FAM114A2: variants seen among roughly 807,000 people sequenced by gnomAD.
The protein encoded by FAM114A2 is family with sequence similarity 114 member A2, also known as protein FAM114A2.
A neutral mutation model predicts 58.4 loss-of-function variants in FAM114A2; 53 were observed. The ratio of observed to expected loss-of-function variants is 0.91; its 90% CI spans 0.73 to 1.14. The LOEUF (loss-of-function observed/expected upper bound fraction) is 1.14. Ranked by LOEUF, FAM114A2 falls within the 50% of genes most tolerant of loss-of-function variation. FAM114A2 has a pLI of 0.00. For missense variants in FAM114A2, 601 were observed against 581.1 expected (o/e 1.03, Z -0.35); for synonymous variants, 228 against 211.4 (o/e 1.08, Z -0.68).
At chr5:153,997,007 A>AAAAG (rs1769610297) in intron 12 of FAM114A2, among the ~76,000 whole-genome samples, 1 of 151,558 alleles carries the variant, frequency 6.6e-6, no homozygotes, top group African/African-American at 2.4e-5. Context: ...AAAAAAAAAA[A>AAAAG]AAAGAAAGAA....
chr5:154,016,612 A>G (rs1369013900), intron 8 of FAM114A2, among the ~76,000 whole-genome samples: 1 of 152,202 alleles, frequency 6.6e-6, no homozygotes, highest in African/African-American at 2.4e-5. Flanking sequence ...ACTGCACTGC[A>G]AGAACTGCTA....
chr5:154,033,744 T>C, intron 4 of FAM114A2, 47 bp downstream of exon 4: 2 of 1,130,770 alleles, frequency 1.8e-6, no homozygotes, highest in South Asian at 2.6e-5. Context: ...GTTCAACTGT[T>C]CCATTTCAAT....
chr5:154,025,520 G>A (rs1771719260), intron 8 of FAM114A2, among the ~76,000 whole-genome samples: 1 of 152,048 alleles, frequency 6.6e-6, no homozygotes, highest in Non-Finnish European at 1.5e-5. Flanking sequence ...CTCCCTGAAA[G>A]GGTTCTGGGA....
chr5:154,021,593 A>T (rs536891328), intron 8 of FAM114A2, among the ~76,000 whole-genome samples: 4 of 152,344 alleles, frequency 2.6e-5, no homozygotes, highest in Non-Finnish European at 5.9e-5. Flanking sequence ...CTTACAAGGG[A>T]TGAGAAGGAC....
chr5:154,011,407 G>A, intron 8 of FAM114A2, 87 bp from the exon 9 acceptor site: 1 of 800,224 alleles, frequency 1.2e-6, no homozygotes, highest in Admixed American at 2.0e-5. Context: ...GAGAGGAGTG[G>A]TAATAGCAGT....
At chr5:154,015,912 T>C (rs2560056) in intron 8 of FAM114A2, among the ~76,000 whole-genome samples, 93,357 of 151,634 alleles carry the variant, frequency 0.62, 29,234 homozygotes, top group East Asian at 0.88. Context: ...ATGACAGAGA[T>C]AGCATAAATA....
chr5:153,995,060 A>C, intron 12 of FAM114A2, 88 bp from the exon 13 acceptor site: 4 of 787,892 alleles, frequency 5.1e-6, no homozygotes, highest in South Asian at 2.9e-5. Flanking sequence ...ACACACACAC[A>C]CCCATACATA....
At chr5:154,011,067 C>A (rs1371162886) in intron 9 of FAM114A2, among the ~76,000 whole-genome samples, 174 bp downstream of exon 9, 1 of 152,166 alleles carries the variant, frequency 6.6e-6, no homozygotes, top group African/African-American at 2.4e-5. Context: ...GTGGCTTCAA[C>A]ACACTAACCT....
chr5:153,997,964 T>G (rs1769693453), intron 11 of FAM114A2, 89 bp from the exon 12 acceptor site: 1 of 764,748 alleles, frequency 1.3e-6, no homozygotes, highest in Non-Finnish European at 2.2e-6. Flanking sequence ...AACAAATCAC[T>G]TCTGGTACTA....
At chr5:154,027,468 A>T (rs1771869310) in intron 6 of FAM114A2, 134 bp from the exon 7 acceptor site, 1 of 607,064 alleles carries the variant, frequency 1.6e-6, no homozygotes. Flanking sequence ...ACTGCTATTC[A>T]AATCTGGTGG....
intron 5 of FAM114A2, 52 bp downstream of exon 5, chr5:154,029,437 A>G: frequency 1.0e-6 from 1 of 990,906 alleles, no homozygotes; most frequent in Non-Finnish European, 1.6e-6. Flanking sequence ...AAGATATGCA[A>G]ACCCATTATA....
In FAM114A2 at chr5:154,034,990, A is replaced by AG. The variant is rs1299128203; in HGVS notation, c.-14-24_-14-23insC. On this transcript the variant is annotated intron_variant, in intron 1 of 13. Coordinates refer to ENST00000351797, the MANE Select transcript of FAM114A2 (RefSeq NM_018691.4). ...CAGCTGGTAAAATGAAAGCCCAAAA[A>AG]AAATTTATATAGGCTTCTTTGGTAT... The AG allele has an allele frequency of 8.7e-6, 13 of 1,491,902 alleles. No homozygotes were observed. The South Asian group carries it at 1.1e-4, about 12-fold the overall frequency. 92.4% of individuals were successfully genotyped at this position (1,491,902 alleles called of 1,614,324 possible).
Position 153,990,979 on chromosome 5 carries a change from A to T in FAM114A2, c.*1997T>A, listed in dbSNP as rs1222052082. 6.6e-6 allele frequency: 1 copy of T among 152,154 alleles called. No homozygotes were observed. The highest frequency in any genetic ancestry group is 1.5e-5 in the Non-Finnish European group (1 of 68,026). The allele number at this position is 152,154 out of a possible 1,614,324, so 9.4% of individuals were successfully genotyped here. A position where few individuals can be genotyped will look rare whatever the true frequency, so the allele number is the denominator to read the frequency against. Reference sequence around the variant, plus strand: ...TTCTCTATGTCTACTGGATCAAGGAATCTTAATTCTTTTTCAGTATATTTT... The same window carrying T: ...TTCTCTATGTCTACTGGATCAAGGATTCTTAATTCTTTTTCAGTATATTTT... On this transcript the variant is annotated 3_prime_UTR_variant, in exon 14 of 14. Transcript: ENST00000351797.
chr5:154,007,017 G>A (rs1581781810), intron 9 of FAM114A2, among the ~76,000 whole-genome samples: 1 of 151,928 alleles, frequency 6.6e-6, no homozygotes, highest in Admixed American at 6.6e-5. Context: ...GGTTGGTCTT[G>A]AACTCCTGAC....
At chr5:154,027,917 C>A (rs970207872) in intron 6 of FAM114A2, among the ~76,000 whole-genome samples, 1 of 152,108 alleles carries the variant, frequency 6.6e-6, no homozygotes, top group East Asian at 1.9e-4. Context: ...CAGGGTTTAG[C>A]ATTTTGCACT....
rs764209243 is a variant in FAM114A2 at position 154,034,346 on chromosome 5, C to T, written c.242G>A (p.Arg81Lys). 1.9e-6 allele frequency: 3 copies of T among 1,598,964 alleles called. No individual in the cohort carries two copies. Among genetic ancestry groups the T allele is most frequent in the South Asian group, 2.2e-5 (2 of 88,904 alleles). The stretch of plus-strand genomic sequence containing the variant: ...GCCCCAGCTCCCCCAATAACCCCAT[C>T]TGGTCTGGGGTACATCTTTGGAAAC... ...DNVSKDVPQT[R>K]WGYWGSWGKS... Residue 81 changes from arginine to lysine, a missense_variant, in exon 3 of 14, where the codon AGA (arginine) becomes AAA (lysine). Transcript: ENST00000351797.
At chr5:154,013,995 G>C (rs1005949614) in intron 8 of FAM114A2, among the ~76,000 whole-genome samples, 1 of 152,194 alleles carries the variant, frequency 6.6e-6, no homozygotes, top group Non-Finnish European at 1.5e-5. Context: ...TCAATGTTAA[G>C]TAACTTCTCA....
chr5:154,004,292 A>G lies in FAM114A2; in HGVS notation c.994-1323T>C, dbSNP rs546025936. 1.1e-4 allele frequency among the ~76,000 whole-genome samples: 16 copies of G among 152,164 alleles called. No homozygotes were observed. In the East Asian group the frequency reaches 3.1e-3, roughly 29 times the overall value. ...ACCTTTATGACCATTTCTCCTCAGTATCTTTTATATATTGATCCTAACTGG... is the reference window on the plus strand; with the variant it reads ...ACCTTTATGACCATTTCTCCTCAGTGTCTTTTATATATTGATCCTAACTGG... On this transcript the variant is annotated intron_variant, in intron 9 of 13. Transcript: ENST00000351797.
At chr5:154,008,464 C>T (rs998853011) in intron 9 of FAM114A2, among the ~76,000 whole-genome samples, 1 of 152,052 alleles carries the variant, frequency 6.6e-6, no homozygotes, top group Non-Finnish European at 1.5e-5. Context: ...TTTTTGAGTG[C>T]CAACATGATG....
Sources: allele counts gnomAD v4.1 joint callset (sites outside exome capture counted in the v4.1 genomes callset), GRCh38; gene constraint gnomAD v4.1.1; transcripts MANE v1.5; gene names NCBI Gene and HGNC (gene_info 2026-07-23, HGNC 2026-07-21).